The following GON4L variants were observed in gnomAD, a reference collection of about 807,000 sequenced individuals.
The protein encoded by GON4L is gon-4 like, also known as GON-4-like protein.
A neutral mutation model predicts 211.8 loss-of-function variants in GON4L; 87 were observed. The observed-to-expected ratio is 0.41, with a 90% CI of 0.35 to 0.49. The LOEUF is 0.49. Ranked by LOEUF, GON4L falls within the 20% of genes least tolerant of loss-of-function variation. The pLI, the probability that GON4L is intolerant of heterozygous loss-of-function variation, is 0.15. For synonymous variants in GON4L, 875 were observed against 962.6 expected, an observed-to-expected ratio of 0.91 and a Z score of 1.68; for missense variants, 2,155 against 2,659.5, an observed-to-expected ratio of 0.81 and a Z score of 4.17.
chr1:155,778,975 C>T (rs1002172075), intron 14 of GON4L, among the ~76,000 whole-genome samples: 6 of 152,014 alleles, frequency 3.9e-5, no homozygotes, highest in Non-Finnish European at 2.9e-5. Context: ...AATATGATAA[C>T]CTGCTTGTTG....
chr1:155,826,456 C>G (rs1669223870), intron 3 of GON4L, among the ~76,000 whole-genome samples: 1 of 151,758 alleles, frequency 6.6e-6, no homozygotes, highest in South Asian at 2.1e-4. Context: ...ATCCCAGCTA[C>G]TCCGGAGGCT....
chr1:155,832,154 AATC>A (rs1383816449), intron 2 of GON4L, among the ~76,000 whole-genome samples: 1 of 151,538 alleles, frequency 6.6e-6, no homozygotes, highest in African/African-American at 2.4e-5. Context: ...ACATGCCTGT[AATC>A]CCAGCTACTC....
At chr1:155,773,385 C>T (rs1419613954) in intron 17 of GON4L, 175 bp from the exon 18 acceptor site, 10 of 646,754 alleles carry the variant, frequency 1.5e-5, no homozygotes, top group Non-Finnish European at 2.6e-5. Context: ...AACATTATAT[C>T]TAAAGGGAGT....
At chr1:155,815,956 T>A in intron 7 of GON4L, 56 bp from the exon 8 acceptor site, 1 of 1,087,028 alleles carries the variant, frequency 9.2e-7, no homozygotes, top group Non-Finnish European at 1.4e-6. Flanking sequence ...ATCATACGTA[T>A]TTGGAAAATA....
chr1:155,784,283 A>G (rs1664709736), intron 13 of GON4L, 194 bp from the exon 14 acceptor site: 1 of 673,770 alleles, frequency 1.5e-6, no homozygotes, highest in South Asian at 1.8e-5. Context: ...ATGCCAAGAA[A>G]GAAGTCATTC....
chr1:155,801,565 CTT>C (rs1318910073), intron 11 of GON4L, among the ~76,000 whole-genome samples: 1 of 152,026 alleles, frequency 6.6e-6, no homozygotes, highest in African/African-American at 2.4e-5. Context: ...TTTTCTCTCT[CTT>C]TTTTAAAATT....
chr1:155,752,796 G>C (rs1365470841), intron 29 of GON4L, among the ~76,000 whole-genome samples: 1 of 152,172 alleles, frequency 6.6e-6, no homozygotes, highest in East Asian at 1.9e-4. Context: ...AATATGGTGA[G>C]ACTCCATCTC....
intron 12 of GON4L, among the ~76,000 whole-genome samples, chr1:155,789,577 A>G (rs1665311919): frequency 1.3e-5 from 2 of 152,142 alleles, no homozygotes; most frequent in African/African-American, 4.8e-5. Context: ...AGAGTTCAAG[A>G]CCAACCCATG....
At chr1:155,745,936 C>G (rs757597197), downstream of GON4L, 18 of 776,106 alleles carry the variant, frequency 2.3e-5, no homozygotes, top group Non-Finnish European at 3.6e-5. Context: ...GCAGCTGCCC[C>G]CGAGGAGCCC....
chr1:155,853,922 C>A, intron 1 of GON4L, 116 bp from the exon 2 acceptor site: 1 of 706,554 alleles, frequency 1.4e-6, no homozygotes, highest in South Asian at 1.8e-5. Context: ...ACACCAAATG[C>A]ACAATTTCCC....
chr1:155,767,666 A>C, intron 19 of GON4L, 125 bp from the exon 20 acceptor site: 1 of 1,587,756 alleles, frequency 6.3e-7, no homozygotes, highest in Non-Finnish European at 8.6e-7. Flanking sequence ...CACACACAAG[A>C]CCACATACAC....
chr1:155,843,573 A>G (rs991665109), intron 2 of GON4L, among the ~76,000 whole-genome samples: 2 of 152,186 alleles, frequency 1.3e-5, no homozygotes, highest in African/African-American at 4.8e-5. Context: ...TTGTTGTGAC[A>G]ATGACACAGA....
chr1:155,833,982 A>T (rs185917485), intron 2 of GON4L, among the ~76,000 whole-genome samples: 13 of 151,982 alleles, frequency 8.6e-5, no homozygotes, highest in African/African-American at 2.7e-4. Flanking sequence ...GCACTACCAC[A>T]CTTGGCTAAT....
intron 2 of GON4L, among the ~76,000 whole-genome samples, chr1:155,839,512 T>C (rs1317933564): frequency 6.6e-6 from 1 of 151,964 alleles, no homozygotes; most frequent in Non-Finnish European, 1.5e-5. Context: ...TAGCTGGGTG[T>C]GGTGGCACAC....
chr1:155,785,219 G>T, intron 13 of GON4L, 115 bp downstream of exon 13: 1 of 792,958 alleles, frequency 1.3e-6, no homozygotes, highest in South Asian at 1.3e-5. Flanking sequence ...ACTAAAAGGA[G>T]AATTGGTTCA....
intron 14 of GON4L, among the ~76,000 whole-genome samples, chr1:155,781,030 C>T (rs1225235811): frequency 5.3e-5 from 8 of 152,114 alleles, no homozygotes; most frequent in African/African-American, 1.9e-4. Flanking sequence ...GAACTGAAAA[C>T]CTGATCACCT....
At chr1:155,748,308 C>G, downstream of GON4L, 1 of 1,362,244 alleles carries the variant, frequency 7.3e-7, no homozygotes, top group Non-Finnish European at 1.0e-6. Flanking sequence ...ACCCCTGATT[C>G]ATCCCCTGGG....
At chr1:155,762,486 A>C in intron 22 of GON4L, 112 bp from the exon 23 acceptor site, 1 of 885,392 alleles carries the variant, frequency 1.1e-6, no homozygotes, top group East Asian at 2.7e-5. Context: ...GGAGCAATTC[A>C]AGGAAAAGGT....
At chr1:155,748,431 T>A, downstream of GON4L, 1 of 1,611,252 alleles carries the variant, frequency 6.2e-7, no homozygotes, top group South Asian at 1.1e-5. Flanking sequence ...AGTGCCATCC[T>A]GGCTACAGCC....
Sources: gnomAD v4.1 joint callset for allele counts (sites outside exome capture counted in the v4.1 genomes callset) on GRCh38, gnomAD v4.1.1 for gene constraint, MANE v1.5 for transcripts, NCBI Gene and HGNC (gene_info 2026-07-23, HGNC 2026-07-21) for gene names.